Variants in PRSS3 observed in about 807,000 individuals in gnomAD.
PRSS3 encodes the protein serine protease 3, also known as trypsin-3.
In PRSS3, 14 loss-of-function variants were observed where a neutral mutation model predicts 20.8. The observed-to-expected ratio is 0.67, with a 90% CI of 0.44 to 1.05. PRSS3 has a LOEUF of 1.05. PRSS3 is among the 50% of genes least tolerant of loss of function. The probability of loss-of-function intolerance (pLI) is 0.00; values close to 1 mark genes in which losing one functional copy is unlikely to be tolerated. For missense variants in PRSS3, 237 were observed against 306.4 expected, an observed-to-expected ratio of 0.77 and a Z score of 1.69; for synonymous variants, 91 against 117.6, an observed-to-expected ratio of 0.77 and a Z score of 1.46.
In PRSS3 at chr9:33,798,815, G is replaced by A. The variant is rs539013332; in HGVS notation, c.591+193G>A. 1,062 of 1,097,486 alleles carry A rather than the reference G, an allele frequency of 9.7e-4. 5 individuals are homozygous for A. The African/African-American group carries it at 0.013, about 13-fold the overall frequency. The allele number at this position is 1,097,486 out of a possible 1,614,324, so 68.0% of individuals were successfully genotyped here. ...GAGAAACGAGGAAGGTGGCGGGGCT[G>A]AGGAGGCTCCCTGCAGTGCCCCCAT... On this transcript the variant is annotated intron_variant, in intron 4 of 4. Transcript: ENST00000379405.
At chr9:33,794,438 T>C (rs558430507), upstream of PRSS3, among the ~76,000 whole-genome samples, 1 of 152,190 alleles carries the variant, frequency 6.6e-6, no homozygotes, top group Non-Finnish European at 1.5e-5. Context: ...CACAACTGTG[T>C]CTTAGTAGCC....
At chr9:33,757,421 A>G (rs760379650) in intron 1 of PRSS3, among the ~76,000 whole-genome samples, 1 of 151,726 alleles carries the variant, frequency 6.6e-6, no homozygotes, top group African/African-American at 2.4e-5. Context: ...AATCCATGCA[A>G]TTTTTCCCTT....
upstream of PRSS3, among the ~76,000 whole-genome samples, chr9:33,791,939 G>A (rs1315393757): frequency 6.6e-6 from 1 of 152,060 alleles, no homozygotes; most frequent in Non-Finnish European, 1.5e-5. Context: ...GGGGCAAGGG[G>A]CAGGCAAGAG....
chr9:33,794,399 C>A (rs908198202), upstream of PRSS3, among the ~76,000 whole-genome samples: 8 of 152,222 alleles, frequency 5.3e-5, no homozygotes, highest in Non-Finnish European at 1.0e-4. Flanking sequence ...CTCCACACTA[C>A]TCTGGCCAGG....
rs141526330 is a variant in PRSS3, at chr9:33,761,756, G to A, written c.-53+11029G>A. ...TAGCCAAGCGTGGTGGTGCACACCT[G>A]TAGTCCCAGCTACTCAGGAAGCTGA... On this transcript the variant is annotated intron_variant, in intron 1 of 5. Coordinates refer to the PRSS3 transcript ENST00000342836. Among the ~76,000 whole-genome samples the A allele has an allele frequency of 2.0e-3, 311 of 152,218 alleles. 2 individuals carry two copies. Among genetic ancestry groups the A allele is most frequent in the African/African-American group, 6.8e-3 (284 of 41,520 alleles).
In PRSS3 at chr9:33,753,787, A is replaced by G. The variant is rs1351231906; in HGVS notation, c.-53+3060A>G. Among the ~76,000 whole-genome samples, 10 of 152,370 alleles carry G rather than the reference A, an allele frequency of 6.6e-5. No homozygotes were observed. The South Asian group carries it at 1.7e-3, about 25-fold the overall frequency. On this transcript the variant is annotated intron_variant, in intron 1 of 5. Transcript: ENST00000342836. The stretch of plus-strand genomic sequence containing the variant: ...TGTCATTAGAAGTTCATTCAGCTAC[A>G]AGAACAGAAAACCCTACTACAACGG...
chr9:33,794,100 G>A (rs1300813045), upstream of PRSS3, among the ~76,000 whole-genome samples: 8 of 152,230 alleles, frequency 5.3e-5, no homozygotes, highest in Non-Finnish European at 1.2e-4. Flanking sequence ...AACTCCACGG[G>A]CCCCACATTC....
intron 1 of PRSS3, among the ~76,000 whole-genome samples, chr9:33,771,039 A>G (rs72711737): frequency 0.038 from 5,839 of 152,276 alleles, 148 homozygotes; most frequent in South Asian, 0.065. Flanking sequence ...ACACCCTGCA[A>G]TGCACAGGAC....
intron 1 of PRSS3, among the ~76,000 whole-genome samples, chr9:33,795,816 A>T (rs1420376047): frequency 6.6e-6 from 1 of 152,214 alleles, no homozygotes; most frequent in Non-Finnish European, 1.5e-5. Context: ...CACCACTGTC[A>T]TTCATCCATA....
chr9:33,751,932 G>A (rs1353703434), intron 1 of PRSS3, among the ~76,000 whole-genome samples: 1 of 152,118 alleles, frequency 6.6e-6, no homozygotes, highest in Non-Finnish European at 1.5e-5. Flanking sequence ...TGGGGTTTCT[G>A]GGAAAAGATA....
intron 2 of PRSS3, among the ~76,000 whole-genome samples, chr9:33,797,126 A>C (rs773292326): frequency 6.8e-4 from 103 of 152,058 alleles, no homozygotes; most frequent in Non-Finnish European, 1.0e-3. Flanking sequence ...ACCCCAGGGC[A>C]ATTAACTCAA....
intron 1 of PRSS3, among the ~76,000 whole-genome samples, chr9:33,767,599 G>A (rs1280805083): frequency 6.6e-6 from 1 of 152,156 alleles, no homozygotes; most frequent in African/African-American, 2.4e-5. Context: ...CAAGGCGGGT[G>A]GATCACCTGA....
chr9:33,796,049 T>C (rs1462764260), intron 1 of PRSS3, among the ~76,000 whole-genome samples: 1 of 152,254 alleles, frequency 6.6e-6, no homozygotes, highest in East Asian at 1.9e-4. Flanking sequence ...TGTACTGGGC[T>C]TTTAAGCTTC....
intron 1 of PRSS3, among the ~76,000 whole-genome samples, chr9:33,787,278 T>A (rs1384157970): frequency 6.6e-6 from 1 of 152,182 alleles, no homozygotes; most frequent in Non-Finnish European, 1.5e-5. Context: ...ATTAATGACA[T>A]CTGGTTGTTC....
chr9:33,769,878 G>A (rs929706178), intron 1 of PRSS3, among the ~76,000 whole-genome samples: 2 of 152,250 alleles, frequency 1.3e-5, no homozygotes, highest in African/African-American at 2.4e-5. Flanking sequence ...TCAAGCCTTG[G>A]AATTGGGCTG....
chr9:33,777,531 C>CAAAAAAAAACAAAAAA (rs1823987782), intron 1 of PRSS3, among the ~76,000 whole-genome samples: 1 of 101,874 alleles, frequency 9.8e-6, no homozygotes, highest in Non-Finnish European at 1.9e-5. Flanking sequence ...CTAAAAATAC[C>CAAAAAAAAACAAAAAA]AAAAAAAAAA....
chr9:33,795,282 G>C (rs1824853421), upstream of PRSS3, among the ~76,000 whole-genome samples: 1 of 151,852 alleles, frequency 6.6e-6, no homozygotes, highest in African/African-American at 2.4e-5. Flanking sequence ...AAGCCCAGCT[G>C]TGTGATCCGG....
chr9:33,772,684 A>G (rs1823761578), intron 1 of PRSS3, among the ~76,000 whole-genome samples: 4 of 152,276 alleles, frequency 2.6e-5, no homozygotes, highest in Admixed American at 2.0e-4. Flanking sequence ...TAATGGTTAT[A>G]TAGCATCTCA....
At chr9:33,775,628 G>C (rs530627941) in intron 1 of PRSS3, among the ~76,000 whole-genome samples, 2 of 151,962 alleles carry the variant, frequency 1.3e-5, no homozygotes, top group Non-Finnish European at 2.9e-5. Flanking sequence ...AGACAAGGGG[G>C]ACTTGAAAAC....
Sources: allele counts gnomAD v4.1 joint callset (sites outside exome capture counted in the v4.1 genomes callset), GRCh38; gene constraint gnomAD v4.1.1; transcripts MANE v1.5; gene names NCBI Gene and HGNC (gene_info 2026-07-23, HGNC 2026-07-21).